PCDH11Y: variants seen among roughly 807,000 people sequenced by gnomAD.
The protein encoded by PCDH11Y is protocadherin-11 Y-linked.
For synonymous variants in PCDH11Y, 9 were observed against 83.6 expected (o/e 0.11, Z 4.87); for missense variants, 12 against 224.8 (o/e 0.05, Z 6.05).
chrY:5,562,596 C>T lies in PCDH11Y; in HGVS notation c.3329-19179C>T, dbSNP rs1602943540. Among the ~76,000 whole-genome samples the T allele has an allele frequency of 1.6e-3, 45 of 27,543 alleles. No individual in the cohort carries two copies. In the East Asian group the frequency reaches 0.041, roughly 25 times the overall value. The allele number at this position is 27,543 out of a possible 37,273, so 73.9% of individuals were successfully genotyped here. ...CTAACAAGGTGAAACCCCGTCTCTA[C>T]TAAAAATACAAAAAATTAGCCGGGC... is the stretch of plus-strand genomic sequence containing the variant. On this transcript the variant is annotated intron_variant, in intron 3 of 4. Transcript: ENST00000400457.
In PCDH11Y at chrY:5,344,949, C is replaced by T. The variant is rs2124669539; in HGVS notation, c.3130-156108C>T. Among the ~76,000 whole-genome samples, 9 of 34,781 alleles carry T rather than the reference C, an allele frequency of 2.6e-4. No individual in the cohort carries two copies. The South Asian group carries it at 3.7e-3, about 14-fold the overall frequency. The allele number at this position is 34,781 out of a possible 37,273, so 93.3% of individuals were successfully genotyped here. Reference sequence around the variant, plus strand: ...TGAAAGTGCTGGGATTACAGGCGTGCGCCACCGCGCCTGGCCACCATTTTC... The same window carrying T: ...TGAAAGTGCTGGGATTACAGGCGTGTGCCACCGCGCCTGGCCACCATTTTC... On this transcript the variant is annotated intron_variant, in intron 2 of 4. Transcript: ENST00000400457.
chrY:5,334,482 T>C, intron 2 of PCDH11Y, among the ~76,000 whole-genome samples: 2 of 34,150 alleles, frequency 5.9e-5, no homozygotes, highest in Non-Finnish European at 1.5e-4. Flanking sequence ...TTTGAAGATA[T>C]AGTTATTGAA....
chrY:5,278,448 C>T lies in PCDH11Y; in HGVS notation c.3129+177741C>T, dbSNP rs1602898517. Among the ~76,000 whole-genome samples the T allele has an allele frequency of 1.8e-4, 6 of 33,635 alleles. No individual in the cohort carries two copies. In the East Asian group the frequency reaches 4.7e-3, roughly 26 times the overall value. The allele number at this position is 33,635 out of a possible 37,273, so 90.2% of individuals were successfully genotyped here. ...GTAGGCGTGAGCCACTGCATCTGTC[C>T]AAGTCTGGTATTTTTTAAATGTCAG... On this transcript the variant is annotated intron_variant, in intron 2 of 4. Transcript: ENST00000400457.
At chrY:5,658,904 A>G in intron 4 of PCDH11Y, among the ~76,000 whole-genome samples, 1 of 33,141 alleles carries the variant, frequency 3.0e-5, no homozygotes, top group Non-Finnish European at 7.4e-5. Flanking sequence ...GGCATTAAAG[A>G]TATATATTTA....
At chrY:5,076,728 A>C in intron 1 of PCDH11Y, among the ~76,000 whole-genome samples, 1 of 33,190 alleles carries the variant, frequency 3.0e-5, no homozygotes, top group South Asian at 6.7e-4. Context: ...TCACTGTAGT[A>C]GTGAGGATTT....
intron 2 of PCDH11Y, among the ~76,000 whole-genome samples, chrY:5,401,873 C>T: frequency 3.0e-5 from 1 of 33,725 alleles, no homozygotes; most frequent in Non-Finnish European, 7.3e-5. Context: ...ATTATTTGGA[C>T]ATTATCCTGG....
At chrY:5,225,269 C>T (rs2124652995) in intron 2 of PCDH11Y, among the ~76,000 whole-genome samples, 4 of 24,498 alleles carry the variant, frequency 1.6e-4, no homozygotes, top group African/African-American at 6.6e-4. Context: ...ACCCAAGCCC[C>T]CCATTACCCT....
chrY:5,692,097 A>G (rs2053568337), intron 4 of PCDH11Y, among the ~76,000 whole-genome samples: 1 of 33,166 alleles, frequency 3.0e-5, no homozygotes, highest in Non-Finnish European at 7.4e-5. Flanking sequence ...TACGAAATAA[A>G]CAAGCTCAGG....
intron 2 of PCDH11Y, among the ~76,000 whole-genome samples, chrY:5,180,379 G>A: frequency 3.0e-5 from 1 of 33,725 alleles, no homozygotes; most frequent in African/African-American, 1.2e-4. Context: ...ACTGCCATGT[G>A]GCAATGAAAA....
intron 4 of PCDH11Y, among the ~76,000 whole-genome samples, chrY:5,684,002 T>C: frequency 3.0e-5 from 1 of 32,910 alleles, no homozygotes; most frequent in Non-Finnish European, 7.5e-5. Context: ...CAGCAAAGGA[T>C]ACAATAAACA....
At chrY:5,434,241 G>T (rs2053271584) in intron 2 of PCDH11Y, among the ~76,000 whole-genome samples, 1 of 32,714 alleles carries the variant, frequency 3.1e-5, no homozygotes, top group African/African-American at 1.2e-4. Flanking sequence ...TCTATATATT[G>T]AAACAAAGAC....
At chrY:5,180,271 T>C in intron 2 of PCDH11Y, among the ~76,000 whole-genome samples, 2 of 32,797 alleles carry the variant, frequency 6.1e-5, no homozygotes, top group African/African-American at 2.4e-4. Flanking sequence ...TAATCTTGAG[T>C]TCTAATTTGA....
intron 3 of PCDH11Y, among the ~76,000 whole-genome samples, chrY:5,528,187 G>A: frequency 3.1e-5 from 1 of 32,450 alleles, no homozygotes; most frequent in Non-Finnish European, 7.6e-5. Flanking sequence ...ATGCTAATTT[G>A]GAGAGAAAAG....
chrY:5,709,412 G>A, intron 4 of PCDH11Y, among the ~76,000 whole-genome samples: 1 of 32,966 alleles, frequency 3.0e-5, no homozygotes, highest in African/African-American at 1.2e-4. Flanking sequence ...TTATAAATTT[G>A]GGGGCTCATC....
chrY:5,010,346 A>G, intron 1 of PCDH11Y, among the ~76,000 whole-genome samples: 1 of 16,101 alleles, frequency 6.2e-5, no homozygotes. Flanking sequence ...AATAGGTAAT[A>G]CACACACCAA....
At chrY:5,247,086 T>A in intron 2 of PCDH11Y, among the ~76,000 whole-genome samples, 6 of 34,058 alleles carry the variant, frequency 1.8e-4, no homozygotes, top group Non-Finnish European at 4.4e-4. Flanking sequence ...CCCAGATTCA[T>A]AAAGCAAGTC....
intron 2 of PCDH11Y, among the ~76,000 whole-genome samples, chrY:5,270,701 G>A: frequency 3.1e-5 from 1 of 32,320 alleles, no homozygotes; most frequent in South Asian, 7.1e-4. Flanking sequence ...TCTATCTAGT[G>A]ATATCATGTT....
intron 2 of PCDH11Y, among the ~76,000 whole-genome samples, chrY:5,147,114 C>T: frequency 7.7e-5 from 2 of 25,984 alleles, no homozygotes; most frequent in Non-Finnish European, 1.8e-4. Flanking sequence ...GGAACTCGGA[C>T]TGGCTTCCTT....
intron 2 of PCDH11Y, among the ~76,000 whole-genome samples, chrY:5,325,329 C>T (rs2053117858): frequency 1.6e-4 from 5 of 31,799 alleles, no homozygotes; most frequent in African/African-American, 6.2e-4. Context: ...AGAGAGTGGA[C>T]GATGTTTCTC....
Sources: gnomAD v4.1 joint callset for allele counts (sites outside exome capture counted in the v4.1 genomes callset) on GRCh38, gnomAD v4.1.1 for gene constraint, MANE v1.5 for transcripts, NCBI Gene and HGNC (gene_info 2026-07-23, HGNC 2026-07-21) for gene names.